Variants in MECOM observed in about 807,000 individuals in gnomAD.
The protein encoded by MECOM is histone-lysine N-methyltransferase MECOM.
MECOM carries 13 observed loss-of-function variants against 116.3 expected under a neutral mutation model. The ratio of observed to expected loss-of-function variants is 0.11; its 90% CI spans 0.07 to 0.18. MECOM has a LOEUF of 0.18. Ranked by LOEUF, MECOM falls within the 10% of genes least tolerant of loss-of-function variation. The pLI is 1.00. For missense variants in MECOM, 1,299 were observed against 1,509.0 expected, an observed-to-expected ratio of 0.86 and a Z score of 2.31; for synonymous variants, 528 against 535.2, an observed-to-expected ratio of 0.99 and a Z score of 0.19.
At chr3:169,267,121 T>C (rs763168865) in intron 2 of MECOM, among the ~76,000 whole-genome samples, 6 of 152,196 alleles carry the variant, frequency 3.9e-5, no homozygotes, top group Non-Finnish European at 7.3e-5. Flanking sequence ...TGCAACCATG[T>C]TGAGAATGTG....
intron 1 of MECOM, among the ~76,000 whole-genome samples, chr3:169,571,326 T>C (rs938859595): frequency 1.4e-5 from 2 of 142,136 alleles, no homozygotes; most frequent in Non-Finnish European, 1.5e-5. Flanking sequence ...AAACCATTGC[T>C]CAAGGAAATA....
chr3:169,426,834 T>G (rs1034617500), intron 1 of MECOM, among the ~76,000 whole-genome samples: 5 of 152,180 alleles, frequency 3.3e-5, no homozygotes, highest in African/African-American at 1.2e-4. Context: ...GTTAGTAACA[T>G]AAGGCTAACA....
intron 1 of MECOM, among the ~76,000 whole-genome samples, chr3:169,653,289 G>A (rs1315645873): frequency 6.6e-6 from 1 of 152,120 alleles, no homozygotes; most frequent in Non-Finnish European, 1.5e-5. Flanking sequence ...ATTGATATCT[G>A]CCATATGCAA....
chr3:169,151,411 A>T (rs561806761), intron 2 of MECOM, among the ~76,000 whole-genome samples: 126 of 152,228 alleles, frequency 8.3e-4, no homozygotes, highest in African/African-American at 3.0e-3. Context: ...TTATAACCTC[A>T]GTCTAAATTC....
intron 1 of MECOM, among the ~76,000 whole-genome samples, chr3:169,400,467 T>C (rs1431951604): frequency 6.6e-6 from 1 of 152,216 alleles, no homozygotes; most frequent in Non-Finnish European, 1.5e-5. Flanking sequence ...TCAACATACA[T>C]TTGTTTGATT....
intron 2 of MECOM, among the ~76,000 whole-genome samples, chr3:169,345,966 A>T (rs1446067537): frequency 6.6e-6 from 1 of 152,128 alleles, no homozygotes; most frequent in Non-Finnish European, 1.5e-5. Flanking sequence ...TAACACACAG[A>T]TGAACAAATT....
chr3:169,142,526 T>C (rs1387703222), intron 3 of MECOM, among the ~76,000 whole-genome samples: 3 of 151,990 alleles, frequency 2.0e-5, no homozygotes, highest in African/African-American at 7.2e-5. Context: ...GCTAATTTAA[T>C]AATGTTTTCC....
At chr3:169,092,331 TA>T (rs896941484) in intron 14 of MECOM, among the ~76,000 whole-genome samples, 14 of 151,972 alleles carry the variant, frequency 9.2e-5, no homozygotes, top group Non-Finnish European at 1.3e-4. Flanking sequence ...AAGAAGACTA[TA>T]AAAGCTTCTA....
At chr3:169,302,654 A>G (rs1476421681) in intron 2 of MECOM, among the ~76,000 whole-genome samples, 1 of 152,120 alleles carries the variant, frequency 6.6e-6, no homozygotes, top group Non-Finnish European at 1.5e-5. Context: ...CACTGAGGTC[A>G]TGAGTTCAAG....
chr3:169,414,611 T>G lies in MECOM; in HGVS notation c.38-33087A>C, dbSNP rs574444662. 2.0e-5 allele frequency among the ~76,000 whole-genome samples: 3 copies of G among 152,220 alleles called. No individual in the cohort carries two copies. In the East Asian group the frequency reaches 5.8e-4, roughly 29 times the overall value. ...CCAAGCTAAAGGAACATGTTCTAAC[T>G]CAATGCAAGGAAGCTAAAAACCTTG... On this transcript the variant is annotated intron_variant, in intron 1 of 16. Transcript: ENST00000651503.
At position 169,263,508 on chromosome 3, in the gene MECOM, C is replaced by T. The variant is rs1052725028; in HGVS notation, c.375+117679G>A. Among the ~76,000 whole-genome samples, 8 of 145,190 alleles carry T rather than the reference C, an allele frequency of 5.5e-5. No homozygotes were observed. In the South Asian group the frequency reaches 1.3e-3, roughly 23 times the overall value. ...GGTGTGACTCTCTCTTTTGATCATACGCAGAGCACTTGCACACACACACAC... is the reference window on the plus strand; with the variant it reads ...GGTGTGACTCTCTCTTTTGATCATATGCAGAGCACTTGCACACACACACAC... On this transcript the variant is annotated intron_variant, in intron 2 of 16. Transcript: ENST00000651503.
chr3:169,115,317 C>T, intron 8 of MECOM, 66 bp downstream of exon 8: 2 of 1,505,878 alleles, frequency 1.3e-6, no homozygotes, highest in Non-Finnish European at 1.8e-6. Context: ...AAAGCCATCA[C>T]TTTACAGTGG....
chr3:169,533,883 G>A (rs548286676), intron 1 of MECOM, among the ~76,000 whole-genome samples: 1 of 152,250 alleles, frequency 6.6e-6, no homozygotes, highest in Non-Finnish European at 1.5e-5. Context: ...TTGGCAAAAG[G>A]AAGAGTTTTT....
At chr3:169,369,119 A>C (rs1729658567) in intron 2 of MECOM, among the ~76,000 whole-genome samples, 1 of 152,014 alleles carries the variant, frequency 6.6e-6, no homozygotes, top group Admixed American at 6.6e-5. Flanking sequence ...GAGGTTGCCC[A>C]AACAGCAGTA....
At chr3:169,476,450 G>A (rs1344468923) in intron 1 of MECOM, among the ~76,000 whole-genome samples, 2 of 152,196 alleles carry the variant, frequency 1.3e-5, no homozygotes, top group East Asian at 1.9e-4. Flanking sequence ...CATCAATAAC[G>A]CTTTGATAGA....
intron 2 of MECOM, among the ~76,000 whole-genome samples, chr3:169,302,151 T>C (rs1415819690): frequency 6.6e-6 from 1 of 152,224 alleles, no homozygotes; most frequent in African/African-American, 2.4e-5. Flanking sequence ...ATAGCTGAAC[T>C]TGAATATATA....
intron 2 of MECOM, among the ~76,000 whole-genome samples, chr3:169,336,901 G>A (rs916014381): frequency 6.6e-6 from 1 of 152,136 alleles, no homozygotes; most frequent in Non-Finnish European, 1.5e-5. Flanking sequence ...CATTACCACA[G>A]TGTAATATTT....
intron 2 of MECOM, among the ~76,000 whole-genome samples, chr3:169,161,269 C>T (rs1393034163): frequency 6.6e-6 from 1 of 152,154 alleles, no homozygotes; most frequent in Non-Finnish European, 1.5e-5. Context: ...ATCATTGCCA[C>T]TACTGGGAAG....
At chr3:169,187,592 A>C (rs2149412479) in intron 2 of MECOM, among the ~76,000 whole-genome samples, 1 of 152,222 alleles carries the variant, frequency 6.6e-6, no homozygotes, top group South Asian at 2.1e-4. Context: ...GTGTGGAATA[A>C]GACTCTATAT....
Sources: allele counts gnomAD v4.1 joint callset (sites outside exome capture counted in the v4.1 genomes callset), GRCh38; gene constraint gnomAD v4.1.1; transcripts MANE v1.5; gene names NCBI Gene and HGNC (gene_info 2026-07-23, HGNC 2026-07-21).